The following VSIG10 variants were observed in gnomAD, a reference collection of about 807,000 sequenced individuals.
VSIG10 encodes V-set and immunoglobulin domain-containing protein 10.
Under a neutral mutation model 58.7 loss-of-function variants are expected in VSIG10, and 48 were observed. The observed-to-expected ratio is 0.82, with a 90% CI of 0.65 to 1.04. The LOEUF (loss-of-function observed/expected upper bound fraction) is 1.04. Among genes scored for constraint, VSIG10 ranks in the 50% least tolerant of loss-of-function variants. The pLI is 0.00. For synonymous variants in VSIG10, 260 were observed against 267.1 expected (o/e 0.97, Z 0.26); for missense variants, 628 against 670.0 (o/e 0.94, Z 0.69).
At chr12:118,103,063 C>T (rs562043656) in intron 1 of VSIG10, 4 of 152,300 alleles carry the variant, frequency 2.6e-5, no homozygotes, top group Admixed American at 2.6e-4. Flanking sequence ...AAAAGCTTTT[C>T]CAAAAGTAAA....
rs1024316042 is a variant in VSIG10, at chr12:118,065,485, T to C, written c.*1154A>G. ...AATAAAACTGGTTAAGACAGTGCTC[T>C]GATATGCTTAGTTTAGTTCCTTCAT... On this transcript the variant is annotated 3_prime_UTR_variant, in exon 9 of 9. Transcript: ENST00000359236. The C allele has an allele frequency of 8.5e-5, 13 of 152,216 alleles. No individual in the cohort carries two copies. Among genetic ancestry groups the C allele is most frequent in the African/African-American group, 3.1e-4 (13 of 41,448 alleles). 9.4% of individuals were successfully genotyped at this position (152,216 alleles called of 1,614,324 possible).
chr12:118,076,086 C>G (rs1031462795), intron 4 of VSIG10, among the ~76,000 whole-genome samples: 1 of 152,176 alleles, frequency 6.6e-6, no homozygotes, highest in Non-Finnish European at 1.5e-5. Flanking sequence ...TTCAAGGGGA[C>G]AAGAGGGCAG....
chr12:118,071,471 T>C lies in VSIG10; in HGVS notation c.1220-2A>G. 3.1e-6 allele frequency: 5 copies of C among 1,613,206 alleles called. No individual in the cohort carries two copies. Among genetic ancestry groups the C allele is most frequent in the Non-Finnish European group, 4.2e-6 (5 of 1,179,156 alleles). On this transcript the variant is annotated splice_acceptor_variant, in intron 5 of 8. Coordinates refer to ENST00000359236, the MANE Select transcript of VSIG10 (RefSeq NM_019086.6). LOFTEE classifies it high-confidence loss of function. ...CAATCCCCCCGATATTTAAAGGTTC[T>C]GTAAAGACAAATCACACCATTGATT...
chr12:118,079,235 G>T (rs2032850037), intron 4 of VSIG10, 111 bp downstream of exon 4: 15 of 1,430,080 alleles, frequency 1.0e-5, no homozygotes, highest in Non-Finnish European at 1.3e-5. Context: ...AAGGAATTCA[G>T]TCCACCCTGA....
At position 118,068,506 on chromosome 12, in the gene VSIG10, C is replaced by A; in HGVS notation, c.1438G>T (p.Glu480Ter). Residue 480 changes from glutamate to a stop codon, truncating the protein, a stop_gained, in exon 8 of 9, where the codon GAA becomes TAA. Transcript: ENST00000359236. LOFTEE classifies it high-confidence loss of function. ...TCTCTCTCACGTGCTCCCTCCTGTT[C>A]CCCTACTGCAGCATCTTCCTCCTCC... ...EEEEEDAAVG[E>*]QEGAREREEL... The A allele has an allele frequency of 4.3e-6, 7 of 1,610,542 alleles. No individual in the cohort carries two copies. Among genetic ancestry groups the A allele is most frequent in the Non-Finnish European group, 5.1e-6 (6 of 1,179,312 alleles).
rs1256820952 is a variant in VSIG10 at position 118,076,714 on chromosome 12, C to T, written c.925+2632G>A. 2.0e-5 allele frequency among the ~76,000 whole-genome samples: 3 copies of T among 152,082 alleles called. 1 individual carries two copies. In the South Asian group the frequency reaches 6.2e-4, roughly 32 times the overall value. ...ACAGAGTTTCACTCTGACACCCAGG[C>T]CTGGAGTGACCGCTCACTGCAGCCT... On this transcript the variant is annotated intron_variant, in intron 4 of 8. Transcript: ENST00000359236.
At chr12:118,083,438 C>T (rs1049248018) in intron 2 of VSIG10, among the ~76,000 whole-genome samples, 4 of 151,858 alleles carry the variant, frequency 2.6e-5, no homozygotes, top group Admixed American at 6.6e-5. Context: ...ATTAGTTGGG[C>T]GTGGTGGCAC....
At chr12:118,081,828 C>A (rs567247619) in intron 3 of VSIG10, among the ~76,000 whole-genome samples, 100 of 152,210 alleles carry the variant, frequency 6.6e-4, no homozygotes, top group Non-Finnish European at 1.2e-3. Context: ...ACCAGCCTGA[C>A]CAACATGGAG....
intron 5 of VSIG10, 53 bp downstream of exon 5, chr12:118,073,646 G>A: frequency 6.5e-7 from 1 of 1,537,284 alleles, no homozygotes; most frequent in Non-Finnish European, 8.8e-7. Context: ...GCTGATGCTG[G>A]GTGCTCTGAA....
chr12:118,090,084 C>A (rs1161322230), intron 2 of VSIG10, among the ~76,000 whole-genome samples: 1 of 152,132 alleles, frequency 6.6e-6, no homozygotes, highest in Non-Finnish European at 1.5e-5. Flanking sequence ...GAGGCTGAGG[C>A]GGGCGGATCA....
chr12:118,084,897 T>G lies in VSIG10; in HGVS notation c.362-2468A>C, dbSNP rs551371771. 2.3e-3 allele frequency among the ~76,000 whole-genome samples: 345 copies of G among 152,252 alleles called. 1 individual carries two copies. The highest frequency in any genetic ancestry group is 8.0e-3 in the African/African-American group (332 of 41,536). On this transcript the variant is annotated intron_variant, in intron 2 of 8. Transcript: ENST00000359236. ...AGCAAGGCATGGTGGCGGGCGCCTG[T>G]AGTCCCAGCTACTCTGGAGGCTGAG...
chr12:118,082,915 C>A (rs1209712594), intron 2 of VSIG10, among the ~76,000 whole-genome samples: 1 of 151,296 alleles, frequency 6.6e-6, no homozygotes, highest in Non-Finnish European at 1.5e-5. Flanking sequence ...AAGTTCAAGA[C>A]CAGCCTGGCC....
At chr12:118,071,257 A>C (rs926343916) in intron 6 of VSIG10, 102 bp downstream of exon 6, 34 of 1,306,952 alleles carry the variant, frequency 2.6e-5, no homozygotes, top group Admixed American at 7.6e-5. Context: ...AGAAGCCCAG[A>C]GAACAGAACT....
rs1020785518 is a variant in VSIG10 at position 118,071,407 on chromosome 12, T to C, written c.1282A>G (p.Ile428Val). The C allele has an allele frequency of 6.2e-7, 1 of 1,613,856 alleles. No homozygotes were observed. The highest frequency in any genetic ancestry group is 1.3e-5 in the African/African-American group (1 of 75,008). ...IVSLLLLGLA[I>V]ISGLLLHYSP... ...TAATGCAACAGAAGCCCTGAGATAA[T>C]GGCCAGTCCCAGCAGAAGGAGGCTC... Residue 428 changes from isoleucine to valine, a missense_variant, in exon 6 of 9, where the codon ATT becomes GTT. Physicochemically the swap from Ile to Val is conservative, Grantham distance 29. Transcript: ENST00000359236.
chr12:118,095,612 G>C lies in VSIG10; in HGVS notation c.282C>G (p.Ser94Arg), dbSNP rs1373158254. ...DATSLHIESL[S>R]LGDEGIYTCQ... ...AGGTGTAGATTCCCTCATCTCCCAGGCTCAGCGATTCAATGTGCAGGGAGG... is the reference window on the plus strand; with the variant it reads ...AGGTGTAGATTCCCTCATCTCCCAGCCTCAGCGATTCAATGTGCAGGGAGG... Residue 94 changes from serine (S) to arginine (R), a missense_variant, in exon 2 of 9, where the codon AGC (serine) becomes AGG (arginine). By Grantham distance (110) the Ser-to-Arg change is moderately radical (BLOSUM62 -1). Transcript: ENST00000359236. The C allele has an allele frequency of 6.2e-7, 1 of 1,612,984 alleles. No homozygotes were observed. Among genetic ancestry groups the C allele is most frequent in the Non-Finnish European group, 8.5e-7 (1 of 1,179,646 alleles).
rs146524022 is a variant in VSIG10, at chr12:118,082,980, G to A, written c.362-551C>T. Among the ~76,000 whole-genome samples, 768 of 151,726 alleles carry A rather than the reference G, an allele frequency of 5.1e-3. 12 individuals are homozygous for A. The highest frequency in any genetic ancestry group is 0.018 in the African/African-American group (726 of 41,380). ...ATACAAAAATCAGCTGGGCGTGGTC[G>A]CGCATGCCTGTAATCCCAGCTACTA... On this transcript the variant is annotated intron_variant, in intron 2 of 8. Transcript: ENST00000359236.
At position 118,063,739 on chromosome 12, in the gene VSIG10, C is replaced by T. The variant is rs1350701805; in HGVS notation, c.*2900G>A. On this transcript the variant is annotated 3_prime_UTR_variant, in exon 9 of 9. Coordinates refer to ENST00000359236, the MANE Select transcript of VSIG10 (RefSeq NM_019086.6). ...TATTTTTCTTTGCAGCAGTTCCTGG[C>T]CAGTCCCAACGTGAGAAATATCAGT... 6.6e-6 allele frequency: 1 copy of T among 152,186 alleles called. No homozygotes were observed. The highest frequency in any genetic ancestry group is 2.4e-5 in the African/African-American group (1 of 41,446). The allele number at this position is 152,186 out of a possible 1,614,324, so 9.4% of individuals were successfully genotyped here. A position where few individuals can be genotyped will look rare whatever the true frequency, so the allele number is the denominator to read the frequency against.
Position 118,064,413 on chromosome 12 carries a change from A to T in VSIG10, c.*2226T>A, listed in dbSNP as rs904898817. ...GAAAATATCCCAGTGATCCTACAAA[A>T]CATTCTCTGTGTTCCTAGCTAGGGT... On this transcript the variant is annotated 3_prime_UTR_variant, in exon 9 of 9. Transcript: ENST00000359236. The T allele has an allele frequency of 1.3e-5, 2 of 151,026 alleles. No individual in the cohort carries two copies. Among genetic ancestry groups the T allele is most frequent in the African/African-American group, 4.9e-5 (2 of 40,986 alleles). 9.4% of individuals were successfully genotyped at this position (151,026 alleles called of 1,614,324 possible).
intron 2 of VSIG10, among the ~76,000 whole-genome samples, chr12:118,087,426 C>T (rs1336513477): frequency 6.6e-6 from 1 of 152,146 alleles, no homozygotes; most frequent in African/African-American, 2.4e-5. Context: ...GTTTCTACAG[C>T]ATCTCTGTCC....
Sources: gnomAD v4.1 joint callset for allele counts (sites outside exome capture counted in the v4.1 genomes callset) on GRCh38, gnomAD v4.1.1 for gene constraint, MANE v1.5 for transcripts, NCBI Gene and HGNC (gene_info 2026-07-23, HGNC 2026-07-21) for gene names.